Variants in PRKG1 observed in about 807,000 individuals in gnomAD.
PRKG1 encodes the protein protein kinase cGMP-dependent 1.
PRKG1 carries 35 observed loss-of-function variants against 88.1 expected under a neutral mutation model. The observed-to-expected ratio is 0.40, with a 90% CI of 0.30 to 0.53. The LOEUF (loss-of-function observed/expected upper bound fraction) is 0.53, where lower values mean the gene tolerates loss of function less well. PRKG1 is among the 20% of genes least tolerant of loss of function. The pLI, the probability that PRKG1 is intolerant of heterozygous loss-of-function variation, is 0.59. For missense variants in PRKG1, 540 were observed against 839.8 expected (o/e 0.64, Z 4.41); for synonymous variants, 303 against 292.5 (o/e 1.04, Z -0.37).
At chr10:51,397,920 A>G in intron 2 of PRKG1, among the ~76,000 whole-genome samples, 1 of 152,158 alleles carries the variant, frequency 6.6e-6, no homozygotes, top group South Asian at 2.1e-4. Flanking sequence ...TCACATTTCA[A>G]TTTGCAAGTG....
chr10:51,912,941 T>C (rs1842253028), intron 5 of PRKG1, among the ~76,000 whole-genome samples: 1 of 152,150 alleles, frequency 6.6e-6, no homozygotes, highest in Non-Finnish European at 1.5e-5. Context: ...TTATTATTAT[T>C]TTTTTGAGAT....
In PRKG1 at chr10:52,287,499, A is replaced by G. The variant is rs544123210; in HGVS notation, c.1710-1227A>G. ...CTCTTAATAAACATGAAAGGCAAAA[A>G]AAATAATAATTCAGATTTCTTCCCC... is the stretch of plus-strand genomic sequence containing the variant. On this transcript the variant is annotated intron_variant, in intron 14 of 17. Coordinates refer to ENST00000373980, the MANE Select transcript of PRKG1 (RefSeq NM_006258.4). Among the ~76,000 whole-genome samples, 32 of 152,178 alleles carry G rather than the reference A, an allele frequency of 2.1e-4. No individual in the cohort carries two copies. The South Asian group carries it at 6.0e-3, about 29-fold the overall frequency.
intron 5 of PRKG1, among the ~76,000 whole-genome samples, chr10:51,970,290 CACA>C (rs1466202087): frequency 6.6e-6 from 1 of 151,888 alleles, no homozygotes; most frequent in Non-Finnish European, 1.5e-5. Context: ...TAATGTCCAT[CACA>C]ACACTTTTTC....
At chr10:52,276,673 T>A (rs1841881449) in intron 12 of PRKG1, among the ~76,000 whole-genome samples, 1 of 152,178 alleles carries the variant, frequency 6.6e-6, no homozygotes, top group South Asian at 2.1e-4. Context: ...CATAATTCAT[T>A]ATTTCAAAGA....
intron 2 of PRKG1, among the ~76,000 whole-genome samples, chr10:51,361,842 A>G (rs772837629): frequency 1.8e-4 from 27 of 152,028 alleles, no homozygotes; most frequent in South Asian, 4.1e-4. Flanking sequence ...ATATGATTTC[A>G]TTAATTCTAA....
intron 2 of PRKG1, among the ~76,000 whole-genome samples, chr10:51,337,834 G>A (rs537495634): frequency 1.3e-5 from 2 of 152,082 alleles, no homozygotes; most frequent in African/African-American, 2.4e-5. Flanking sequence ...TTTGGAGGAG[G>A]GTGTGGGGAT....
intron 2 of PRKG1, among the ~76,000 whole-genome samples, chr10:51,163,159 CTG>C (rs748206007): frequency 2.6e-5 from 4 of 152,192 alleles, no homozygotes; most frequent in Non-Finnish European, 4.4e-5. Flanking sequence ...GAGTGAAACT[CTG>C]TCTCAAACAA....
intron 2 of PRKG1, among the ~76,000 whole-genome samples, chr10:51,288,548 A>G (rs1217944138): frequency 1.3e-5 from 2 of 152,188 alleles, no homozygotes; most frequent in Non-Finnish European, 2.9e-5. Flanking sequence ...TCATCATTTG[A>G]GGTTGTTAAT....
intron 1 of PRKG1, among the ~76,000 whole-genome samples, chr10:51,138,985 T>C (rs1845763433): frequency 6.6e-6 from 1 of 152,088 alleles, no homozygotes; most frequent in Admixed American, 6.6e-5. Flanking sequence ...CCCGGCCACA[T>C]TTTTTGAACA....
At chr10:51,163,089 C>T (rs912704423) in intron 2 of PRKG1, among the ~76,000 whole-genome samples, 20 of 151,548 alleles carry the variant, frequency 1.3e-4, no homozygotes, top group African/African-American at 2.9e-4. Context: ...CTCTTGAATT[C>T]GCGAGGCGGA....
At chr10:52,189,239 T>G (rs562876214) in intron 9 of PRKG1, among the ~76,000 whole-genome samples, 4 of 152,332 alleles carry the variant, frequency 2.6e-5, no homozygotes, top group Admixed American at 2.6e-4. Flanking sequence ...GATGTGTTGC[T>G]GATAAAATTG....
intron 2 of PRKG1, among the ~76,000 whole-genome samples, chr10:51,164,264 C>G (rs939950115): frequency 6.6e-6 from 1 of 152,164 alleles, no homozygotes; most frequent in Non-Finnish European, 1.5e-5. Flanking sequence ...CTGCAGCCAC[C>G]GCTGCTGTTA....
intron 10 of PRKG1, among the ~76,000 whole-genome samples, chr10:52,261,839 T>C (rs1564536406): frequency 6.6e-6 from 1 of 152,106 alleles, no homozygotes; most frequent in Non-Finnish European, 1.5e-5. Flanking sequence ...ATGTATATAA[T>C]CCAACATTGA....
At chr10:52,035,835 G>A (rs2133218889) in intron 5 of PRKG1, among the ~76,000 whole-genome samples, 1 of 152,360 alleles carries the variant, frequency 6.6e-6, no homozygotes, top group East Asian at 1.9e-4. Flanking sequence ...AAGTATTAAA[G>A]CAGCGGGAGC....
In PRKG1 at chr10:52,296,615, T is replaced by A. The variant is rs1842388339; in HGVS notation, c.*2715T>A. On this transcript the variant is annotated 3_prime_UTR_variant, in exon 18 of 18. Coordinates refer to ENST00000373980, the MANE Select transcript of PRKG1 (RefSeq NM_006258.4). ...TAAAGAACATCTGGATAAGTTAGAATAGTGCCAACTTGTTTGATTTGTTAT... is the reference window on the plus strand; with the variant it reads ...TAAAGAACATCTGGATAAGTTAGAAAAGTGCCAACTTGTTTGATTTGTTAT... 6.6e-6 allele frequency: 1 copy of A among 152,098 alleles called. No individual in the cohort carries two copies. Among genetic ancestry groups the A allele is most frequent in the African/African-American group, 2.4e-5 (1 of 41,442 alleles). 9.4% of individuals were successfully genotyped at this position (152,098 alleles called of 1,614,324 possible).
At chr10:51,844,851 G>A (rs2132787473) in intron 4 of PRKG1, among the ~76,000 whole-genome samples, 1 of 152,250 alleles carries the variant, frequency 6.6e-6, no homozygotes, top group Admixed American at 6.5e-5. Context: ...CAAAAATGAA[G>A]TATGCTGAGA....
At chr10:51,838,566 T>C (rs566702228) in intron 4 of PRKG1, among the ~76,000 whole-genome samples, 3 of 152,300 alleles carry the variant, frequency 2.0e-5, no homozygotes, top group Admixed American at 1.3e-4. Context: ...TAGAAATAGT[T>C]TTACTTGGAA....
chr10:51,432,932 C>T (rs538558899), intron 2 of PRKG1, among the ~76,000 whole-genome samples: 11 of 152,108 alleles, frequency 7.2e-5, no homozygotes, highest in Non-Finnish European at 1.3e-4. Flanking sequence ...ATAACCACCA[C>T]CTCAGAAAAT....
intron 5 of PRKG1, among the ~76,000 whole-genome samples, chr10:51,973,296 T>C (rs1023145802): frequency 1.3e-5 from 2 of 152,180 alleles, no homozygotes; most frequent in African/African-American, 2.4e-5. Context: ...GTTTTATGAA[T>C]CTCACGCTGC....
Sources: allele counts gnomAD v4.1 joint callset (sites outside exome capture counted in the v4.1 genomes callset), GRCh38; gene constraint gnomAD v4.1.1; transcripts MANE v1.5; gene names NCBI Gene and HGNC (gene_info 2026-07-23, HGNC 2026-07-21).